The following GLTP variants were observed in gnomAD, a reference collection of about 807,000 sequenced individuals.
GLTP encodes the protein glycolipid transfer protein.
GLTP carries 22 observed loss-of-function variants against 24.0 expected under a neutral mutation model. That is an observed-to-expected ratio of 0.92 (90% CI 0.65 to 1.31). The LOEUF (loss-of-function observed/expected upper bound fraction) is 1.31. GLTP is among the 50% of genes most tolerant of loss of function. GLTP has a pLI of 0.00. For missense variants in GLTP, 224 were observed against 276.6 expected (o/e 0.81, Z 1.35); for synonymous variants, 92 against 115.9 (o/e 0.79, Z 1.33).
rs1415459447 is a variant in GLTP at position 109,873,788 on chromosome 12, G to A, written c.103+6484C>T. ...CACCCCACTGCATGCCAGTCTGGGCGATGAAGCAAGACCTTGTCTCTTAAA... is the reference window on the plus strand; with the variant it reads ...CACCCCACTGCATGCCAGTCTGGGCAATGAAGCAAGACCTTGTCTCTTAAA... On this transcript the variant is annotated intron_variant, in intron 1 of 4. Transcript: ENST00000318348. 5.3e-5 allele frequency among the ~76,000 whole-genome samples: 8 copies of A among 152,114 alleles called. No homozygotes were observed. In the East Asian group the frequency reaches 7.7e-4, roughly 15 times the overall value.
At chr12:109,854,962 G>T (rs1892776786) in intron 4 of GLTP, among the ~76,000 whole-genome samples, 1 of 152,242 alleles carries the variant, frequency 6.6e-6, no homozygotes, top group Non-Finnish European at 1.5e-5. Flanking sequence ...AGAGGGAGCT[G>T]CAGCAGAAAG....
chr12:109,857,388 C>G lies in GLTP; in HGVS notation c.296+138G>C, dbSNP rs567879798. On this transcript the variant is annotated intron_variant, in intron 3 of 4. Coordinates refer to ENST00000318348, the MANE Select transcript of GLTP (RefSeq NM_016433.4). This position sits in a 1 kb window ranked among gnomAD's most constrained non-coding sequence, Gnocchi z 4.3. ...AGCCCTGGCCATTGGGAGGCCTTTT[C>G]CCAGCCATTAACTAGCATCACACTG... 16 of 974,748 alleles carry G rather than the reference C, an allele frequency of 1.6e-5. No individual in the cohort carries two copies. The highest frequency in any genetic ancestry group is 1.6e-4 in the South Asian group (10 of 63,550). 60.4% of individuals were successfully genotyped at this position (974,748 alleles called of 1,614,324 possible). A position where few individuals can be genotyped will look rare whatever the true frequency, so the allele number is the denominator to read the frequency against.
At chr12:109,867,640 C>T (rs937452202) in intron 1 of GLTP, among the ~76,000 whole-genome samples, 1 of 152,126 alleles carries the variant, frequency 6.6e-6, no homozygotes, top group African/African-American at 2.4e-5. Context: ...AAGCAGAATT[C>T]CCTGTAAGCC....
At chr12:109,858,767 T>C (rs764958678) in intron 1 of GLTP, 26 bp from the exon 2 acceptor site, 16 of 1,528,524 alleles carry the variant, frequency 1.0e-5, no homozygotes, top group Non-Finnish European at 1.5e-5. Flanking sequence ...GAAGACAGAT[T>C]GAGATTCGCA....
chr12:109,867,424 C>T (rs1316299856), intron 1 of GLTP, among the ~76,000 whole-genome samples: 2 of 152,172 alleles, frequency 1.3e-5, no homozygotes, highest in Non-Finnish European at 2.9e-5. Flanking sequence ...GCTGGAATTA[C>T]AGGCGTGAGC....
chr12:109,869,303 C>CAA (rs140914540), intron 1 of GLTP, among the ~76,000 whole-genome samples: 16,620 of 47,418 alleles, frequency 0.35, 2,540 homozygotes, highest in Admixed American at 0.41. Context: ...GGCTCTACCT[C>CAA]AAAAAAAAAA....
At chr12:109,867,939 G>A (rs1163213615) in intron 1 of GLTP, among the ~76,000 whole-genome samples, 3 of 140,272 alleles carry the variant, frequency 2.1e-5, no homozygotes, top group African/African-American at 7.9e-5. Context: ...CACCACGCCT[G>A]GCTAATTTTT....
chr12:109,859,091 G>A (rs956031300), intron 1 of GLTP, among the ~76,000 whole-genome samples: 3 of 152,186 alleles, frequency 2.0e-5, no homozygotes, highest in African/African-American at 7.2e-5. Context: ...GTCTCGCTCT[G>A]TCACTCAGGC....
chr12:109,856,111 G>C (rs974135907), intron 3 of GLTP, among the ~76,000 whole-genome samples: 2 of 152,088 alleles, frequency 1.3e-5, no homozygotes, highest in African/African-American at 4.8e-5. Flanking sequence ...CATCAGGCTT[G>C]AGGAATGAAG....
chr12:109,875,985 G>A (rs139228769), intron 1 of GLTP, among the ~76,000 whole-genome samples: 189 of 152,312 alleles, frequency 1.2e-3, no homozygotes, highest in Non-Finnish European at 2.2e-3. Context: ...ACCAGAGCCC[G>A]ACATAAGAAG....
intron 1 of GLTP, among the ~76,000 whole-genome samples, chr12:109,876,469 C>T (rs933460265): frequency 6.6e-6 from 1 of 151,608 alleles, no homozygotes; most frequent in Non-Finnish European, 1.5e-5. Context: ...CCACTCCAGC[C>T]TGGGTGACAT....
chr12:109,875,067 C>T (rs1052782431), intron 1 of GLTP, among the ~76,000 whole-genome samples: 21 of 152,002 alleles, frequency 1.4e-4, no homozygotes, highest in Non-Finnish European at 3.1e-4. Flanking sequence ...CTGGCCTACT[C>T]ATCTATTTTA....
intron 1 of GLTP, among the ~76,000 whole-genome samples, chr12:109,869,630 T>G (rs568564548): frequency 2.7e-5 from 4 of 150,290 alleles, no homozygotes; most frequent in South Asian, 2.1e-4. Context: ...TAATTTTTTT[T>G]TTTTTGTTTT....
In GLTP at chr12:109,855,835, G is replaced by A. The variant is rs1424020374; in HGVS notation, c.297-66C>T. On this transcript the variant is annotated intron_variant, in intron 3 of 4. Coordinates refer to ENST00000318348, the MANE Select transcript of GLTP (RefSeq NM_016433.4). The surrounding 1 kb of genome is among the most constrained non-coding windows in gnomAD (Gnocchi z 4.1). ...AGCCCTGTCGTGAAAGACCCTGATG[G>A]ACTCTGAATTTGCCACCTACTGTGA... 7.3e-7 allele frequency: 1 copy of A among 1,368,874 alleles called. No homozygotes were observed. Among genetic ancestry groups the A allele is most frequent in the Non-Finnish European group, 9.7e-7 (1 of 1,027,892 alleles). The allele number at this position is 1,368,874 out of a possible 1,614,324, so 84.8% of individuals were successfully genotyped here.
At chr12:109,865,747 T>C (rs1868504835) in intron 1 of GLTP, among the ~76,000 whole-genome samples, 1 of 152,090 alleles carries the variant, frequency 6.6e-6, no homozygotes. Context: ...AAGCTGTCTT[T>C]AAAAAAAGAA....
chr12:109,869,631 T>TG lies in GLTP; in HGVS notation c.103+10640_103+10641insC, dbSNP rs113217187. Among the ~76,000 whole-genome samples, 836 of 150,398 alleles carry TG rather than the reference T, an allele frequency of 5.6e-3. 9 individuals carry two copies. Among genetic ancestry groups the TG allele is most frequent in the African/African-American group, 0.019 (799 of 41,032 alleles). ...CCACCACACCCAGCTAATTTTTTTT[T>TG]TTTTGTTTTTTTGTATTTTAGTAGA... is the stretch of plus-strand genomic sequence containing the variant. On this transcript the variant is annotated intron_variant, in intron 1 of 4. Transcript: ENST00000318348.
intron 1 of GLTP, among the ~76,000 whole-genome samples, chr12:109,859,183 T>C (rs572368934): frequency 6.6e-6 from 1 of 151,838 alleles, no homozygotes; most frequent in African/African-American, 2.4e-5. Flanking sequence ...GCCTCTGGAG[T>C]AGCTGGGAAT....
At chr12:109,871,435 A>C (rs75445258) in intron 1 of GLTP, among the ~76,000 whole-genome samples, 2,513 of 152,228 alleles carry the variant, frequency 0.017, 37 homozygotes, top group South Asian at 0.052. Context: ...TTGTCATGCC[A>C]GCCGGGAACT....
rs1892818796 is a variant in GLTP, at chr12:109,857,787, A to G, written c.163-128T>C. ...CCTGCCCTCCAGGAACAGCAGGGAT[A>G]AGACTTGTAACAATAACTATGACTG... On this transcript the variant is annotated intron_variant, in intron 2 of 4. Coordinates refer to ENST00000318348, the MANE Select transcript of GLTP (RefSeq NM_016433.4). This position sits in a 1 kb window ranked among gnomAD's most constrained non-coding sequence, Gnocchi z 4.3. 1.1e-6 allele frequency: 1 copy of G among 910,892 alleles called. No homozygotes were observed. Among genetic ancestry groups the G allele is most frequent in the Middle Eastern group, 2.2e-4 (1 of 4,622 alleles). 56.4% of individuals were successfully genotyped at this position (910,892 alleles called of 1,614,324 possible). A position where few individuals can be genotyped will look rare whatever the true frequency, so the allele number is the denominator to read the frequency against.
Sources: allele counts gnomAD v4.1 joint callset (sites outside exome capture counted in the v4.1 genomes callset), GRCh38; gene constraint gnomAD v4.1.1; non-coding constraint Gnocchi (gnomAD v3.1); transcripts MANE v1.5; gene names NCBI Gene and HGNC (gene_info 2026-07-23, HGNC 2026-07-21).